AMPH: variants seen among roughly 807,000 people sequenced by gnomAD.
AMPH encodes amphiphysin, also known as amphiphysin (Stiff-Mann syndrome with breast cancer 128kD autoantigen).
In AMPH, 49 loss-of-function variants were observed where a neutral mutation model predicts 99.1. That is an observed-to-expected ratio of 0.49 (90% CI 0.39 to 0.63). The LOEUF is 0.63. AMPH is among the 20% of genes least tolerant of loss of function. The pLI is 0.00. For synonymous variants in AMPH, 314 were observed against 317.3 expected (o/e 0.99, Z 0.11); for missense variants, 759 against 863.4 (o/e 0.88, Z 1.52).
At chr7:38,471,331 C>T (rs1033737219) in intron 7 of AMPH, among the ~76,000 whole-genome samples, 3 of 152,142 alleles carry the variant, frequency 2.0e-5, no homozygotes, top group Non-Finnish European at 4.4e-5. Flanking sequence ...CAAGAATTCT[C>T]TTTAGAGTCC....
chr7:38,430,120 C>T (rs1785951134), intron 13 of AMPH: 3 of 495,684 alleles, frequency 6.1e-6, no homozygotes, highest in Non-Finnish European at 1.1e-5. Context: ...TGTTTTATGG[C>T]TAGTATATGA....
In AMPH at chr7:38,494,479, T is replaced by C. The variant is rs775046404; in HGVS notation, c.254A>G (p.Tyr85Cys). 2.5e-6 allele frequency: 4 copies of C among 1,613,970 alleles called. No homozygotes were observed. Among genetic ancestry groups the C allele is most frequent in the East Asian group, 2.2e-5 (1 of 44,866 alleles). The change falls in exon 4 of 21, where the codon TAT becomes TGT. Residue 85 changes from tyrosine to cysteine, a missense_variant. Around this residue, in one of 2 missense-constraint regions of AMPH, gnomAD observed 205 missense variants for 287.9 expected, o/e 0.71. Coordinates refer to ENST00000356264, the MANE Select transcript of AMPH (RefSeq NM_001635.4). ...TTCCCGCCCATACCAGTCAGGCTCA[T>C]AGACTTCATGCAGCGACTCTGTGAG... Reference protein sequence around the residue: ...MKLTESLHEVYEPDWYGREDV... With the variant: ...MKLTESLHEVCEPDWYGREDV...
intron 1 of AMPH, among the ~76,000 whole-genome samples, chr7:38,627,413 T>C (rs1241409478): frequency 7.2e-6 from 1 of 138,414 alleles, no homozygotes; most frequent in East Asian, 2.0e-4. Context: ...TAGCCGGACG[T>C]GGTGGCAGGC....
intron 19 of AMPH, among the ~76,000 whole-genome samples, chr7:38,391,213 C>T (rs1335888030): frequency 6.6e-6 from 1 of 152,186 alleles, no homozygotes; most frequent in Non-Finnish European, 1.5e-5. Flanking sequence ...CTCTAAGTAG[C>T]CTGTCTGAGC....
intron 1 of AMPH, among the ~76,000 whole-genome samples, chr7:38,608,634 T>G (rs1793516434): frequency 6.6e-6 from 1 of 152,120 alleles, no homozygotes; most frequent in Non-Finnish European, 1.5e-5. Flanking sequence ...TTGATGCCAA[T>G]AATTGTCACT....
chr7:38,592,550 G>T (rs1792894107), intron 1 of AMPH, among the ~76,000 whole-genome samples: 1 of 152,060 alleles, frequency 6.6e-6, no homozygotes, highest in Non-Finnish European at 1.5e-5. Flanking sequence ...GACCAATATG[G>T]TGAAACCCTG....
At chr7:38,569,185 A>G (rs1255068283) in intron 1 of AMPH, among the ~76,000 whole-genome samples, 1 of 152,126 alleles carries the variant, frequency 6.6e-6, no homozygotes. Flanking sequence ...GAAATAATTT[A>G]TGCTACCTAA....
intron 2 of AMPH, chr7:38,531,488 A>C (rs933282194): frequency 1.3e-5 from 2 of 152,228 alleles, no homozygotes; most frequent in Non-Finnish European, 2.9e-5. Flanking sequence ...GAAGTTTGAG[A>C]TCAAAAGGAA....
In AMPH at chr7:38,387,584, C is replaced by A. The variant is rs373295315; in HGVS notation, c.1980+2220G>T. ...AGGCAGATCAATAGAAATTATCCAA[C>A]CTGACTACCAGAGAGAAATAGTGAA... On this transcript the variant is annotated intron_variant, in intron 20 of 20. Coordinates refer to ENST00000356264, the MANE Select transcript of AMPH (RefSeq NM_001635.4). Among the ~76,000 whole-genome samples the A allele has an allele frequency of 3.3e-5, 5 of 152,022 alleles. No individual in the cohort carries two copies. In the East Asian group the frequency reaches 7.7e-4, roughly 23 times the overall value.
intron 17 of AMPH, among the ~76,000 whole-genome samples, chr7:38,404,969 A>C (rs561792249): frequency 3.3e-5 from 5 of 152,330 alleles, no homozygotes; most frequent in African/African-American, 1.2e-4. Context: ...GAAGTGTCAA[A>C]TTTACCTGCA....
At chr7:38,464,007 G>A (rs1179495705) in intron 9 of AMPH, 25 of 1,222,512 alleles carry the variant, frequency 2.0e-5, no homozygotes, top group Non-Finnish European at 2.7e-5. Flanking sequence ...ACATGATTGG[G>A]GTCATATGCC....
chr7:38,475,608 G>A (rs752333260), intron 6 of AMPH, among the ~76,000 whole-genome samples, 192 bp from the exon 7 acceptor site: 4 of 152,122 alleles, frequency 2.6e-5, no homozygotes, highest in African/African-American at 4.8e-5. Flanking sequence ...ACTGGAAACC[G>A]GATTGATTAC....
chr7:38,451,368 ATG>A (rs1554338580), intron 11 of AMPH, among the ~76,000 whole-genome samples: 4 of 149,864 alleles, frequency 2.7e-5, no homozygotes, highest in Admixed American at 1.3e-4. Context: ...ACGTATATAT[ATG>A]TGTATATACA....
chr7:38,594,073 G>A (rs145193548), intron 1 of AMPH, among the ~76,000 whole-genome samples: 1 of 152,124 alleles, frequency 6.6e-6, no homozygotes, highest in Non-Finnish European at 1.5e-5. Context: ...TAAGGGTGCA[G>A]GGGGTCACGG....
At chr7:38,571,225 A>G (rs1298185304) in intron 1 of AMPH, among the ~76,000 whole-genome samples, 2 of 96,034 alleles carry the variant, frequency 2.1e-5, no homozygotes, top group Non-Finnish European at 3.6e-5. Context: ...ATTTTTATAT[A>G]TTAATTATAT....
chr7:38,480,391 G>T (rs1247571662), intron 5 of AMPH, among the ~76,000 whole-genome samples: 3 of 151,976 alleles, frequency 2.0e-5, no homozygotes, highest in African/African-American at 7.2e-5. Flanking sequence ...TTGCACCACG[G>T]GTTCTTTGCT....
chr7:38,602,909 T>C (rs1377690941), intron 1 of AMPH, among the ~76,000 whole-genome samples: 2 of 152,166 alleles, frequency 1.3e-5, no homozygotes, highest in African/African-American at 4.8e-5. Context: ...ATTACTGGTG[T>C]ATCGTCTTCA....
chr7:38,594,876 G>A (rs1324649053), intron 1 of AMPH, among the ~76,000 whole-genome samples: 1 of 152,060 alleles, frequency 6.6e-6, no homozygotes, highest in East Asian at 1.9e-4. Flanking sequence ...CTTAGGTGAT[G>A]CAAAGGCAAT....
Position 38,516,836 on chromosome 7 carries a change from T to C in AMPH, c.151-13132A>G, listed in dbSNP as rs539458532. ...CAAGGCCTTGGGAGCCCACCCCTTG[T>C]GTCAGTGTCGCCTGAATATGAGACA... On this transcript the variant is annotated intron_variant, in intron 2 of 20. Transcript: ENST00000356264. Among the ~76,000 whole-genome samples the C allele has an allele frequency of 2.6e-5, 4 of 152,346 alleles. No individual in the cohort carries two copies. In the South Asian group the frequency reaches 8.3e-4, roughly 32 times the overall value.
Sources: gnomAD v4.1 joint callset for allele counts (sites outside exome capture counted in the v4.1 genomes callset) on GRCh38, gnomAD v4.1.1 for gene constraint, gnomAD v4.1.1 regional missense constraint, MANE v1.5 for transcripts, NCBI Gene and HGNC (gene_info 2026-07-23, HGNC 2026-07-21) for gene names.